The following TRMT9B variants were observed in gnomAD, a reference collection of about 807,000 sequenced individuals.
The protein encoded by TRMT9B is tRNA methyltransferase 9B (putative), also known as probable tRNA methyltransferase 9B.
In TRMT9B, 16 loss-of-function variants were observed where a neutral mutation model predicts 11.5. That is an observed-to-expected ratio of 1.39 (90% CI 0.94 to 2.11). The LOEUF (loss-of-function observed/expected upper bound fraction) is 2.11. Ranked by LOEUF, TRMT9B falls within the 30% of genes most tolerant of loss-of-function variation. The probability of loss-of-function intolerance (pLI) is 0.00; values close to 1 mark genes in which losing one functional copy is unlikely to be tolerated. For missense variants in TRMT9B, 941 were observed against 553.8 expected, an observed-to-expected ratio of 1.70 and a Z score of -7.02; for synonymous variants, 274 against 192.4, an observed-to-expected ratio of 1.42 and a Z score of -3.51.
At position 13,028,947 on chromosome 8, in the gene TRMT9B, G is replaced by A. The variant is rs907007996; in HGVS notation, c.*6903G>A. 14 of 166,880 alleles carry A rather than the reference G, an allele frequency of 8.4e-5. No homozygotes were observed. Among genetic ancestry groups the A allele is most frequent in the African/African-American group, 3.1e-4 (13 of 41,390 alleles). 10.3% of individuals were successfully genotyped at this position (166,880 alleles called of 1,614,324 possible). A position where few individuals can be genotyped will look rare whatever the true frequency, so the allele number is the denominator to read the frequency against. ...GCAATACATTAAGGCTCACTAATGT[G>A]GACCTAAGTGAGTATCTGAGAGGCT... On this transcript the variant is annotated 3_prime_UTR_variant, in exon 5 of 5. Coordinates refer to ENST00000524591, the MANE Select transcript of TRMT9B (RefSeq NM_020844.3).
At chr8:13,013,481 GA>G (rs1028940864) in intron 4 of TRMT9B, among the ~76,000 whole-genome samples, 27 of 152,094 alleles carry the variant, frequency 1.8e-4, no homozygotes, top group Non-Finnish European at 2.6e-4. Flanking sequence ...AAAATGGGGG[GA>G]AAAAATCCAT....
chr8:12,978,042 T>G (rs937376232), intron 1 of TRMT9B, among the ~76,000 whole-genome samples: 2 of 151,898 alleles, frequency 1.3e-5, no homozygotes, highest in African/African-American at 4.8e-5. Context: ...AAAAAGTAGA[T>G]GGATAGTGTG....
At chr8:12,990,505 A>G (rs968717550) in intron 1 of TRMT9B, among the ~76,000 whole-genome samples, 1 of 152,154 alleles carries the variant, frequency 6.6e-6, no homozygotes, top group Non-Finnish European at 1.5e-5. Context: ...ATTTAGTAAT[A>G]TTGTCTTAGG....
At position 13,021,314 on chromosome 8, in the gene TRMT9B, C is replaced by A. The variant is rs1244687987; in HGVS notation, c.635C>A (p.Ser212Tyr). The part of the protein sequence containing the change: ...CFKEQCGSKR[S>Y]HSVGYEPAMA... Reference sequence around the variant, plus strand: ...AAAGAGCAGTGTGGTTCAAAACGGTCCCACAGCGTGGGCTATGAACCTGCT... The same window carrying A: ...AAAGAGCAGTGTGGTTCAAAACGGTACCACAGCGTGGGCTATGAACCTGCT... The change falls in exon 5 of 5, where the codon TCC (serine) becomes TAC (tyrosine). Residue 212 changes from serine (S) to tyrosine (Y), a missense_variant. By Grantham distance (144) the Ser-to-Tyr change is moderately radical. Transcript: ENST00000524591. The A allele has an allele frequency of 6.2e-7, 1 of 1,613,966 alleles. No homozygotes were observed. The highest frequency in any genetic ancestry group is 8.5e-7 in the Non-Finnish European group (1 of 1,179,856).
chr8:13,006,053 G>A, intron 2 of TRMT9B, 149 bp from the exon 3 acceptor site: 2 of 679,356 alleles, frequency 2.9e-6, no homozygotes, highest in Non-Finnish European at 4.8e-6. Flanking sequence ...TATAGTGAAG[G>A]TATTGTTCTT....
rs760722053 is a variant in TRMT9B at position 13,021,158 on chromosome 8, G to C, written c.479G>C (p.Trp160Ser). 2.5e-6 allele frequency: 4 copies of C among 1,613,914 alleles called. No individual in the cohort carries two copies. The Admixed American group carries it at 5.0e-5, about 20-fold the overall frequency. Residue 160 changes from tryptophan to serine, a missense_variant, in exon 5 of 5, where the codon TGG (tryptophan) becomes TCG (serine). Transcript: ENST00000524591. ...GAGAAGCAAGACGTGCTTGTTCCAT[G>C]GAACAGGGCTCTGTGTTCCCAGCTC... is the stretch of plus-strand genomic sequence containing the variant. ...HFEKQDVLVP[W>S]NRALCSQLFS...
rs745927281 is a variant in TRMT9B, at chr8:13,021,456, G to A, written c.777G>A (p.Ser259=). 18 of 1,613,838 alleles carry A rather than the reference G, an allele frequency of 1.1e-5. No individual in the cohort carries two copies. The Admixed American group carries it at 1.5e-4, about 13-fold the overall frequency. ...TTTTCTCCAGATCTTTGGATGAATC[G>A]ACTCTGAGGAAGCAAATTGAAAGAG... ...SWFFSRSLDE[S]TLRKQIERVR... is the part of the protein sequence containing the mutation. The change falls in exon 5 of 5, where the codon TCG becomes TCA. Residue 259 remains serine, a synonymous_variant. Coordinates refer to ENST00000524591, the MANE Select transcript of TRMT9B (RefSeq NM_020844.3).
chr8:12,964,520 T>TA (rs1157533154), intron 1 of TRMT9B, among the ~76,000 whole-genome samples: 1 of 152,224 alleles, frequency 6.6e-6, no homozygotes. Context: ...TCCTTGAGGT[T>TA]AAAAAATAGT....
rs567102348 is a variant in TRMT9B at position 12,984,985 on chromosome 8, A to T, written c.-199-5849A>T. 5.2e-3 allele frequency among the ~76,000 whole-genome samples: 666 copies of T among 128,964 alleles called. 2 individuals are homozygous for T. Among genetic ancestry groups the T allele is most frequent in the African/African-American group, 0.019 (598 of 32,316 alleles). The allele number at this position is 128,964 out of a possible 152,430, so 84.6% of individuals were successfully genotyped here. A position where few individuals can be genotyped will look rare whatever the true frequency, so the allele number is the denominator to read the frequency against. ...CACACACACACACACACACACACAC[A>T]CACTCTCTCTCTCACACTCCCCACC... On this transcript the variant is annotated intron_variant, in intron 1 of 4. Transcript: ENST00000524591.
chr8:12,950,927 G>T (rs1800557529), intron 1 of TRMT9B, among the ~76,000 whole-genome samples: 1 of 152,132 alleles, frequency 6.6e-6, no homozygotes, highest in African/African-American at 2.4e-5. Flanking sequence ...CTATACAAAG[G>T]GCGGCAGAGC....
At chr8:12,989,480 G>A (rs531634888) in intron 1 of TRMT9B, among the ~76,000 whole-genome samples, 57 of 152,280 alleles carry the variant, frequency 3.7e-4, no homozygotes, top group African/African-American at 1.1e-3. Context: ...CAAGCCTCCT[G>A]CCCAGGTAGC....
chr8:12,980,439 G>A (rs1805171690), intron 1 of TRMT9B, among the ~76,000 whole-genome samples: 1 of 152,060 alleles, frequency 6.6e-6, no homozygotes, highest in African/African-American at 2.4e-5. Context: ...AGGTTCCAGA[G>A]GTTAGGATGT....
rs1020458032 is a variant in TRMT9B, at chr8:13,024,978, G to A, written c.*2934G>A. On this transcript the variant is annotated 3_prime_UTR_variant, in exon 5 of 5. Transcript: ENST00000524591. ...TCATTTAAAAAGCTTGCTTGTCCTC[G>A]AAAGGAAACACAGGTCATCAGTGAG... The A allele has an allele frequency of 1.8e-5, 3 of 166,958 alleles. No individual in the cohort carries two copies. Among genetic ancestry groups the A allele is most frequent in the South Asian group, 2.1e-4 (1 of 4,824 alleles). 10.3% of individuals were successfully genotyped at this position (166,958 alleles called of 1,614,324 possible).
intron 1 of TRMT9B, among the ~76,000 whole-genome samples, chr8:12,955,037 A>C (rs1295810609): frequency 6.6e-6 from 1 of 152,222 alleles, no homozygotes; most frequent in South Asian, 2.1e-4. Context: ...GTTTATAATA[A>C]GAAGTAGGAG....
In TRMT9B at chr8:13,012,740, G is replaced by A. The variant is rs1430032851; in HGVS notation, c.211G>A (p.Asp71Asn). Reference protein sequence around the residue: ...VNSQVHTVGCDYCGPLVEIAR... With the variant: ...VNSQVHTVGCNYCGPLVEIAR... ...CAGCCAGGTACATACCGTGGGCTGTGACTACTGTGGGCCACTGGTAGAGAT... is the reference window on the plus strand; with the variant it reads ...CAGCCAGGTACATACCGTGGGCTGTAACTACTGTGGGCCACTGGTAGAGAT... Residue 71 changes from aspartate to asparagine, a missense_variant, in exon 4 of 5, where the codon GAC becomes AAC. Coordinates refer to ENST00000524591, the MANE Select transcript of TRMT9B (RefSeq NM_020844.3). The A allele has an allele frequency of 1.2e-6, 2 of 1,613,880 alleles. No individual in the cohort carries two copies. The highest frequency in any genetic ancestry group is 1.3e-5 in the African/African-American group (1 of 74,930).
At chr8:12,957,119 C>G (rs543591777) in intron 1 of TRMT9B, among the ~76,000 whole-genome samples, 127 of 152,240 alleles carry the variant, frequency 8.3e-4, no homozygotes, top group African/African-American at 2.9e-3. Context: ...GGTGTATTCT[C>G]TCATGGTGAG....
At chr8:12,970,832 A>G (rs1427466785) in intron 1 of TRMT9B, among the ~76,000 whole-genome samples, 5 of 152,134 alleles carry the variant, frequency 3.3e-5, no homozygotes. Flanking sequence ...CACGTTTGGG[A>G]ACTGTGATAA....
chr8:12,999,723 A>G (rs901126437), intron 2 of TRMT9B, among the ~76,000 whole-genome samples: 22 of 152,308 alleles, frequency 1.4e-4, no homozygotes, highest in Middle Eastern at 3.4e-3. Flanking sequence ...AAGCCATTAT[A>G]ATACTTTACA....
At chr8:13,010,752 G>C in intron 3 of TRMT9B, 1 of 984,066 alleles carries the variant, frequency 1.0e-6, no homozygotes, top group Non-Finnish European at 1.2e-6. Context: ...CAATGAAAAA[G>C]CAAATGAATT....
Sources: allele counts gnomAD v4.1 joint callset (sites outside exome capture counted in the v4.1 genomes callset), GRCh38; gene constraint gnomAD v4.1.1; transcripts MANE v1.5; gene names NCBI Gene and HGNC (gene_info 2026-07-23, HGNC 2026-07-21).